Variants in CSDC2 observed in about 807,000 individuals in gnomAD.
CSDC2 encodes the protein cold shock domain-containing protein C2.
A neutral mutation model predicts 15.8 loss-of-function variants in CSDC2; 8 were observed. The ratio of observed to expected loss-of-function variants is 0.51; its 90% CI spans 0.30 to 0.92. The LOEUF is 0.92. CSDC2 is among the 40% of genes least tolerant of loss of function. The pLI, the probability that CSDC2 is intolerant of heterozygous loss-of-function variation, is 0.07. For missense variants in CSDC2, 195 were observed against 213.3 expected, an observed-to-expected ratio of 0.91 and a Z score of 0.53; for synonymous variants, 96 against 92.3, an observed-to-expected ratio of 1.04 and a Z score of -0.23.
At chr22:41,562,818 C>T (rs2067094175) in intron 1 of CSDC2, among the ~76,000 whole-genome samples, 1 of 152,182 alleles carries the variant, frequency 6.6e-6, no homozygotes, top group South Asian at 2.1e-4. Context: ...AAATGACACT[C>T]CTGGGCTGGG....
chr22:41,573,739 C>T lies in CSDC2; in HGVS notation c.261C>T (p.Pro87=), dbSNP rs765198025. ...CACAGGGCCATGGCTTCATCACCCC[C>T]GAGAACGGGTCCGAGGACATCTTCG... ...SRSQGHGFIT[P]ENGSEDIFVH... Residue 87 remains proline (P), a synonymous_variant, in exon 3 of 4, where the codon CCC becomes CCT. Coordinates refer to ENST00000306149, the MANE Select transcript of CSDC2 (RefSeq NM_014460.4). 1.1e-5 allele frequency: 17 copies of T among 1,613,822 alleles called. 1 individual carries two copies. The highest frequency in any genetic ancestry group is 3.3e-5 in the South Asian group (3 of 91,076).
rs2067165872 is a variant in CSDC2 at position 41,574,669 on chromosome 22, G to T, written c.300-64G>T. The T allele has an allele frequency of 2.5e-6, 4 of 1,573,940 alleles. No homozygotes were observed. In the Admixed American group the frequency reaches 7.1e-5, roughly 28 times the overall value. On this transcript the variant is annotated intron_variant, in intron 3 of 3. Coordinates refer to ENST00000306149, the MANE Select transcript of CSDC2 (RefSeq NM_014460.4). ...AGGGCCAGGCTGCCCCCAAGGCCAG[G>T]CCACAGGATTGTCTGGGGCACAGGG...
intron 1 of CSDC2, among the ~76,000 whole-genome samples, chr22:41,566,899 C>T (rs1183107156): frequency 1.3e-5 from 2 of 150,896 alleles, no homozygotes. Flanking sequence ...TGCACTCCAG[C>T]CTGGGCGACA....
chr22:41,575,122 C>T lies in CSDC2; in HGVS notation c.*227C>T, dbSNP rs1027691658. 1.7e-6 allele frequency: 1 copy of T among 601,628 alleles called. No homozygotes were observed. The highest frequency in any genetic ancestry group is 2.9e-6 in the Non-Finnish European group (1 of 343,846). 37.3% of individuals were successfully genotyped at this position (601,628 alleles called of 1,614,324 possible). ...CCAGGAGGTAGGTGGAGGGCAAGGC[C>T]ACCAGACCTGGCTTCGCGCTGTCCA... On this transcript the variant is annotated 3_prime_UTR_variant, in exon 4 of 4. Transcript: ENST00000306149.
At chr22:41,565,876 C>G (rs1426522006) in intron 1 of CSDC2, among the ~76,000 whole-genome samples, 1 of 152,178 alleles carries the variant, frequency 6.6e-6, no homozygotes, top group African/African-American at 2.4e-5. Context: ...GGCTCAGAGC[C>G]CAAACTCAGG....
chr22:41,565,449 CAAAAA>C (rs34460484), intron 1 of CSDC2, among the ~76,000 whole-genome samples: 2 of 57,488 alleles, frequency 3.5e-5, no homozygotes, highest in Admixed American at 1.9e-4. Context: ...GATTCCATCT[CAAAAA>C]AAAAAAAAAA....
At chr22:41,566,819 C>T (rs1352122227) in intron 1 of CSDC2, among the ~76,000 whole-genome samples, 11 of 145,652 alleles carry the variant, frequency 7.6e-5, no homozygotes, top group African/African-American at 2.8e-4. Flanking sequence ...CCCAGCTACT[C>T]GGGAGGCTGA....
In CSDC2 at chr22:41,572,106, C is replaced by A; in HGVS notation, c.141C>A (p.Ser47Arg). The change falls in exon 2 of 4, where the codon AGC becomes AGA. Residue 47 changes from serine to arginine, a missense_variant. By Grantham distance (110) the Ser-to-Arg change is moderately radical (BLOSUM62 -1). Transcript: ENST00000306149. ...RGGVPPRDLPSPLPTKRTRTY... is the reference protein window; with the variant it reads ...RGGVPPRDLPRPLPTKRTRTY... ...GTGTCCCACCTCGGGACCTACCCAG[C>A]CCTCTGCCCACCAAGCGGACCAGGA... 1.5e-6 allele frequency: 2 copies of A among 1,351,238 alleles called. No homozygotes were observed. The highest frequency in any genetic ancestry group is 1.9e-6 in the Non-Finnish European group (2 of 1,046,398). The allele number at this position is 1,351,238 out of a possible 1,614,324, so 83.7% of individuals were successfully genotyped here.
intron 2 of CSDC2, among the ~76,000 whole-genome samples, 183 bp downstream of exon 2, chr22:41,572,324 C>A (rs2067149246): frequency 9.9e-6 from 1 of 100,606 alleles, no homozygotes; most frequent in Non-Finnish European, 1.8e-5. Context: ...ACCCATCCAT[C>A]CATCCATCCA....
rs1416221581 is a variant in CSDC2, at chr22:41,574,884, G to A, written c.451G>A (p.Val151Met). The change falls in exon 4 of 4, where the codon GTG becomes ATG. Residue 151 changes from valine (V) to methionine (M), a missense_variant. Transcript: ENST00000306149. The stretch of plus-strand genomic sequence containing the variant: ...CCACGAGACGTGGTCTGGCCAGGTC[G>A]TGGGCTCCTAGGCTGAGTGGTTCAC... ...TPHETWSGQV[V>M]GS is the part of the protein sequence containing the mutation. The A allele has an allele frequency of 6.3e-6, 10 of 1,595,136 alleles. No individual in the cohort carries two copies. The highest frequency in any genetic ancestry group is 2.3e-5 in the East Asian group (1 of 43,842).
intron 1 of CSDC2, among the ~76,000 whole-genome samples, chr22:41,568,440 A>G (rs2067128127): frequency 6.6e-6 from 1 of 152,182 alleles, no homozygotes; most frequent in East Asian, 1.9e-4. Flanking sequence ...CGCCACCGCC[A>G]TGCCTAGCTA....
intron 1 of CSDC2, among the ~76,000 whole-genome samples, chr22:41,571,619 C>A (rs1029156317): frequency 1.3e-5 from 2 of 152,196 alleles, no homozygotes; most frequent in African/African-American, 4.8e-5. Context: ...ACCTCCCAGG[C>A]CCCTGGAGTT....
intron 2 of CSDC2, among the ~76,000 whole-genome samples, 181 bp downstream of exon 2, chr22:41,572,322 AT>A (rs2067149235): frequency 1.0e-5 from 1 of 99,974 alleles, no homozygotes; most frequent in East Asian, 2.4e-4. Flanking sequence ...CCACCCATCC[AT>A]CCATCCATCC....
At chr22:41,571,329 G>T (rs1005075415) in intron 1 of CSDC2, among the ~76,000 whole-genome samples, 2 of 152,156 alleles carry the variant, frequency 1.3e-5, no homozygotes, top group African/African-American at 2.4e-5. Flanking sequence ...ACTCCAGCCT[G>T]GGCAACAAGA....
chr22:41,573,963 A>G (rs2067161689), intron 3 of CSDC2, among the ~76,000 whole-genome samples, 186 bp downstream of exon 3: 1 of 152,206 alleles, frequency 6.6e-6, no homozygotes, highest in Non-Finnish European at 1.5e-5. Flanking sequence ...GGGAGTGGGC[A>G]CGCAGACCCC....
intron 1 of CSDC2, among the ~76,000 whole-genome samples, chr22:41,566,608 G>A (rs2067116440): frequency 6.8e-6 from 1 of 147,138 alleles, no homozygotes; most frequent in Non-Finnish European, 1.5e-5. Flanking sequence ...TCCAGCCTGA[G>A]GGACAGAGTG....
intron 1 of CSDC2, among the ~76,000 whole-genome samples, chr22:41,569,099 C>T (rs931032390): frequency 4.6e-5 from 7 of 152,230 alleles, no homozygotes; most frequent in Non-Finnish European, 1.0e-4. Flanking sequence ...AGGCCAGGAC[C>T]GCCCTGCTCC....
chr22:41,563,838 G>C (rs954449698), intron 1 of CSDC2, among the ~76,000 whole-genome samples: 11 of 151,832 alleles, frequency 7.2e-5, no homozygotes, highest in African/African-American at 2.4e-4. Context: ...TTGGGAGGCT[G>C]AGGCGGGCGG....
intron 1 of CSDC2, among the ~76,000 whole-genome samples, chr22:41,568,642 C>T (rs533069020): frequency 3.9e-5 from 6 of 152,294 alleles, no homozygotes; most frequent in Non-Finnish European, 7.4e-5. Flanking sequence ...CTGCAATGGG[C>T]GACAGGGGAG....
Sources: allele counts gnomAD v4.1 joint callset (sites outside exome capture counted in the v4.1 genomes callset), GRCh38; gene constraint gnomAD v4.1.1; transcripts MANE v1.5; gene names NCBI Gene and HGNC (gene_info 2026-07-23, HGNC 2026-07-21).